Variants in IQSEC3 observed in about 807,000 individuals in gnomAD.
IQSEC3 encodes the protein IQ motif and Sec7 domain ArfGEF 3.
Under a neutral mutation model 105.4 loss-of-function variants are expected in IQSEC3, and 50 were observed. The observed-to-expected ratio is 0.47, with a 90% confidence interval of 0.38 to 0.60. The LOEUF (loss-of-function observed/expected upper bound fraction) is 0.60, where lower values mean the gene tolerates loss of function less well. Ranked by LOEUF, IQSEC3 falls within the 20% of genes least tolerant of loss-of-function variation. The pLI, the probability that IQSEC3 is intolerant of heterozygous loss-of-function variation, is 0.00. For synonymous variants in IQSEC3, 708 were observed against 746.0 expected, an observed-to-expected ratio of 0.95 and a Z score of 0.83; for missense variants, 1,415 against 1,630.0, an observed-to-expected ratio of 0.87 and a Z score of 2.27.
intron 1 of IQSEC3, among the ~76,000 whole-genome samples, chr12:71,445 C>T (rs1863313906): frequency 6.6e-6 from 1 of 152,272 alleles, no homozygotes; most frequent in African/African-American, 2.4e-5. Context: ...TATATTGCAG[C>T]TGCCTAAAGC....
chr12:72,140 C>T (rs1555067704), intron 1 of IQSEC3, among the ~76,000 whole-genome samples: 2 of 152,268 alleles, frequency 1.3e-5, no homozygotes, highest in Non-Finnish European at 2.9e-5. Flanking sequence ...CAGACCAATG[C>T]AGTGAATGCC....
chr12:107,064 A>G (rs1256413825), intron 2 of IQSEC3, among the ~76,000 whole-genome samples: 1 of 152,194 alleles, frequency 6.6e-6, no homozygotes, highest in Non-Finnish European at 1.5e-5. Context: ...AAAAAACAAA[A>G]CAGGAAGGAC....
intron 2 of IQSEC3, among the ~76,000 whole-genome samples, chr12:123,999 C>T (rs1296481845): frequency 4.6e-5 from 7 of 152,154 alleles, no homozygotes; most frequent in Non-Finnish European, 1.0e-4. Context: ...GTTGACTAAG[C>T]ACTCAGCATT....
At chr12:67,954 T>G (rs1402878680) in intron 1 of IQSEC3, among the ~76,000 whole-genome samples, 2 of 151,354 alleles carry the variant, frequency 1.3e-5, no homozygotes, top group East Asian at 3.9e-4. Context: ...TAGAGGGGAA[T>G]CCAGGAGGCC....
At chr12:68,927 T>C (rs556361579) in intron 1 of IQSEC3, among the ~76,000 whole-genome samples, 92 of 152,276 alleles carry the variant, frequency 6.0e-4, no homozygotes, top group Admixed American at 1.3e-3. Flanking sequence ...GATACAGTTT[T>C]CTACCCCAAC....
intron 5 of IQSEC3, among the ~76,000 whole-genome samples, chr12:146,662 A>G (rs1474447510): frequency 6.7e-6 from 1 of 148,654 alleles, no homozygotes; most frequent in Non-Finnish European, 1.5e-5. Flanking sequence ...TCAAAAAAGA[A>G]GAAAGAAAGA....
Position 174,870 on chromosome 12 carries a change from G to A in IQSEC3, c.3386G>A (p.Cys1129Tyr). The change falls in exon 14 of 14, where the codon TGC (cysteine) becomes TAC (tyrosine). Residue 1129 changes from cysteine (C) to tyrosine (Y), a missense_variant. Physicochemically the swap from Cys to Tyr is radical, Grantham distance 194 (BLOSUM62 -2). Around this residue, in one of 6 missense-constraint regions of IQSEC3, gnomAD observed 419 missense variants for 436.2 expected, o/e 0.96. Coordinates refer to ENST00000538872, the MANE Select transcript of IQSEC3 (RefSeq NM_001170738.2). ...SCYTSSSSDS[C>Y]GSTPLGGPGS... is the part of the protein sequence containing the mutation. ...TACACCTCGTCGTCCTCTGACTCCT[G>A]CGGCTCCACACCCCTGGGCGGTCCC... The A allele has an allele frequency of 3.2e-6, 5 of 1,577,850 alleles. No homozygotes were observed. The highest frequency in any genetic ancestry group is 1.1e-5 in the South Asian group (1 of 87,296).
At chr12:86,189 G>T (rs1555072058) in intron 1 of IQSEC3, among the ~76,000 whole-genome samples, 1 of 152,206 alleles carries the variant, frequency 6.6e-6, no homozygotes, top group African/African-American at 2.4e-5. Flanking sequence ...GGCGCTTCCG[G>T]CCTAGGTGGG....
At chr12:153,371 G>A (rs1249646028) in intron 5 of IQSEC3, among the ~76,000 whole-genome samples, 4 of 152,126 alleles carry the variant, frequency 2.6e-5, no homozygotes, top group African/African-American at 7.2e-5. Flanking sequence ...CGGGTCGTCT[G>A]CCCCCTGCCG....
At chr12:123,693 C>T (rs1326981565) in intron 2 of IQSEC3, among the ~76,000 whole-genome samples, 1 of 152,156 alleles carries the variant, frequency 6.6e-6, no homozygotes, top group African/African-American at 2.4e-5. Context: ...GGAGGAACAC[C>T]TCTCTGCACC....
intron 5 of IQSEC3, among the ~76,000 whole-genome samples, chr12:147,055 G>A (rs544482315): frequency 2.0e-5 from 3 of 152,264 alleles, no homozygotes; most frequent in Admixed American, 6.5e-5. Flanking sequence ...TCGTCACTTT[G>A]GCATATAAAT....
intron 11 of IQSEC3, 139 bp from the exon 12 acceptor site, chr12:168,874 C>T: frequency 4.1e-6 from 3 of 740,314 alleles, no homozygotes; most frequent in Non-Finnish European, 7.1e-6. Flanking sequence ...TGGGGCCAGA[C>T]CCGAGGTCCG....
chr12:127,383 G>C (rs151147186), intron 3 of IQSEC3, among the ~76,000 whole-genome samples: 1,757 of 152,306 alleles, frequency 0.012, 41 homozygotes, highest in African/African-American at 0.039. Flanking sequence ...GCCAGGCGTG[G>C]TGGCGCATGC....
At position 157,029 on chromosome 12, in the gene IQSEC3, G is replaced by A. The variant is rs782417408; in HGVS notation, c.2158G>A (p.Val720Met). 2.5e-5 allele frequency: 40 copies of A among 1,600,582 alleles called. No individual in the cohort carries two copies. The highest frequency in any genetic ancestry group is 1.7e-4 in the South Asian group (15 of 88,544). Residue 720 changes from valine to methionine, a missense_variant, in exon 6 of 14, where the codon GTG becomes ATG. Val to Met is a conservative substitution (Grantham distance 21). Coordinates refer to ENST00000538872, the MANE Select transcript of IQSEC3 (RefSeq NM_001170738.2). Reference protein sequence around the residue: ...KQFNRDVLDCVVDEMDFSSME... With the variant: ...KQFNRDVLDCMVDEMDFSSME... The stretch of plus-strand genomic sequence containing the variant: ...ACCCTCCCTGCCTGCCCTCAGCTGC[G>A]TGGTGGACGAGATGGACTTCTCCAG...
chr12:111,432 G>T (rs1376810588), intron 2 of IQSEC3, among the ~76,000 whole-genome samples: 1 of 152,080 alleles, frequency 6.6e-6, no homozygotes, highest in Non-Finnish European at 1.5e-5. Context: ...ATGTCAGAAG[G>T]GTTCTCTTTA....
At chr12:136,130 G>T (rs1865756857) in intron 3 of IQSEC3, among the ~76,000 whole-genome samples, 1 of 152,224 alleles carries the variant, frequency 6.6e-6, no homozygotes, top group Admixed American at 6.5e-5. Flanking sequence ...CTCATGAAAT[G>T]CAAGTAACTT....
rs782463108 is a variant in IQSEC3 at position 138,274 on chromosome 12, T to C, written c.911T>C (p.Met304Thr). The C allele has an allele frequency of 6.2e-7, 1 of 1,611,156 alleles. No individual in the cohort carries two copies. Among genetic ancestry groups the C allele is most frequent in the South Asian group, 1.1e-5 (1 of 90,906 alleles). Reference protein sequence around the residue: ...SLDLKNKQIEMLEHKYGGHLV... With the variant: ...SLDLKNKQIETLEHKYGGHLV... ...CTGTCCTCGTCCTTGCAGATTGAAA[T>C]GCTAGAACATAAGTACGGCGGTCAC... The change falls in exon 4 of 14, where the codon ATG becomes ACG. Residue 304 changes from methionine (M) to threonine (T), a missense_variant. This residue lies in a region of IQSEC3 where 720 missense variants were observed against 633.0 expected (regional missense o/e 1.14). Coordinates refer to ENST00000538872, the MANE Select transcript of IQSEC3 (RefSeq NM_001170738.2). This position sits in a 1 kb window ranked among gnomAD's most constrained non-coding sequence, Gnocchi z 7.1.
chr12:125,676 G>A lies in IQSEC3; in HGVS notation c.667G>A (p.Val223Met), dbSNP rs782712368. ...TQAGGGMEDSVVAAAAVAAGR... is the reference protein window; with the variant it reads ...TQAGGGMEDSMVAAAAVAAGR... ...GGCCGGTGGGGGCATGGAGGACTCC[G>A]TGGTGGCAGCGGCGGCGGTGGCAGC... The change falls in exon 3 of 14, where the codon GTG (valine) becomes ATG (methionine). Residue 223 changes from valine (V) to methionine (M), a missense_variant. This residue lies in a region of IQSEC3 where 720 missense variants were observed against 633.0 expected (regional missense o/e 1.14). Transcript: ENST00000538872. 1.4e-5 allele frequency: 21 copies of A among 1,540,290 alleles called. No homozygotes were observed. The highest frequency in any genetic ancestry group is 1.4e-5 in the Non-Finnish European group (16 of 1,154,838).
intron 2 of IQSEC3, among the ~76,000 whole-genome samples, chr12:104,093 A>T (rs1481927931): frequency 6.6e-6 from 1 of 152,052 alleles, no homozygotes; most frequent in African/African-American, 2.4e-5. Context: ...TGAACACATT[A>T]TTTATTGAAC....
Sources: allele counts gnomAD v4.1 joint callset (sites outside exome capture counted in the v4.1 genomes callset), GRCh38; gene constraint gnomAD v4.1.1; regional missense constraint gnomAD v4.1.1; non-coding constraint Gnocchi (gnomAD v3.1); transcripts MANE v1.5; gene names NCBI Gene and HGNC (gene_info 2026-07-23, HGNC 2026-07-21).